Variants in NCOA2 observed in about 807,000 individuals in gnomAD.
NCOA2 encodes the protein nuclear receptor coactivator 2.
NCOA2 carries 21 observed loss-of-function variants against 145.1 expected under a neutral mutation model. The ratio of observed to expected loss-of-function variants is 0.14; its 90% confidence interval spans 0.10 to 0.21. The LOEUF (loss-of-function observed/expected upper bound fraction) is 0.21. Among genes scored for constraint, NCOA2 ranks in the 10% least tolerant of loss-of-function variants. The pLI is 1.00. For synonymous variants in NCOA2, 619 were observed against 637.5 expected, an observed-to-expected ratio of 0.97 and a Z score of 0.44; for missense variants, 1,472 against 1,837.6, an observed-to-expected ratio of 0.80 and a Z score of 3.64.
At chr8:70,388,315 T>C (rs962442714) in intron 1 of NCOA2, among the ~76,000 whole-genome samples, 3 of 152,190 alleles carry the variant, frequency 2.0e-5, no homozygotes, top group Non-Finnish European at 4.4e-5. Flanking sequence ...TGAGGAAAAA[T>C]AGAAACATAC....
At chr8:70,359,976 T>C (rs1367252728) in intron 1 of NCOA2, among the ~76,000 whole-genome samples, 2 of 152,206 alleles carry the variant, frequency 1.3e-5, no homozygotes, top group Non-Finnish European at 2.9e-5. Context: ...TTTCTCTTCC[T>C]AGGCTCTAAG....
At chr8:70,430,510 C>A in the NCOA2 span, among the ~76,000 whole-genome samples, 1 of 152,310 alleles carries the variant, frequency 6.6e-6, no homozygotes, top group African/African-American at 2.4e-5. Flanking sequence ...AGATAGCCAA[C>A]ATAGTCATCT....
intron 1 of NCOA2, among the ~76,000 whole-genome samples, chr8:70,352,888 T>C (rs935004705): frequency 1.3e-5 from 2 of 152,186 alleles, no homozygotes; most frequent in African/African-American, 2.4e-5. Flanking sequence ...TTGTTTCTGA[T>C]TCAATCTGGC....
intron 1 of NCOA2, among the ~76,000 whole-genome samples, chr8:70,389,959 T>A (rs1028349046): frequency 7.2e-5 from 11 of 151,988 alleles, no homozygotes; most frequent in Admixed American, 2.6e-4. Context: ...AGCCACCATA[T>A]CCGGCCATTT....
chr8:70,330,216 AATGATG>A (rs57235614), intron 1 of NCOA2, among the ~76,000 whole-genome samples: 3 of 150,800 alleles, frequency 2.0e-5, no homozygotes, highest in South Asian at 2.1e-4. Flanking sequence ...TGATGATGAT[AATGATG>A]ATGATGATGA....
intron 2 of NCOA2, among the ~76,000 whole-genome samples, chr8:70,296,020 T>C (rs2135739284): frequency 6.6e-6 from 1 of 152,332 alleles, no homozygotes; most frequent in East Asian, 1.9e-4. Context: ...TGAATATAAA[T>C]ATATTCTTAA....
chr8:70,187,168 C>T (rs567771224), intron 4 of NCOA2, among the ~76,000 whole-genome samples: 54 of 152,314 alleles, frequency 3.5e-4, no homozygotes, highest in African/African-American at 1.3e-3. Flanking sequence ...ATGGCTGGCA[C>T]TTCCATGCTG....
At chr8:70,191,460 T>A (rs771806111) in intron 4 of NCOA2, among the ~76,000 whole-genome samples, 39 of 152,314 alleles carry the variant, frequency 2.6e-4, no homozygotes, top group Middle Eastern at 3.4e-3. Flanking sequence ...CCACATTTCC[T>A]AGTCCCCCCA....
chr8:70,170,261 C>T lies in NCOA2; in HGVS notation c.482G>A (p.Ser161Asn), dbSNP rs768279094. ...QEELMNKSVY[S>N]ILHVGDHTEF... is the part of the protein sequence containing the mutation. ...CGTGTGGTCCCCAACATGCAAGATG[C>T]TATATACACTTTTGTTCATCAGCTC... Residue 161 changes from serine (S) to asparagine (N), a missense_variant, in exon 6 of 23, where the codon AGC (serine) becomes AAC (asparagine). This residue lies in a region of NCOA2 where 284 missense variants were observed against 467.8 expected (regional missense o/e 0.61). Coordinates refer to ENST00000452400, the MANE Select transcript of NCOA2 (RefSeq NM_006540.4). The T allele has an allele frequency of 3.7e-6, 6 of 1,613,066 alleles. No individual in the cohort carries two copies. The highest frequency in any genetic ancestry group is 1.3e-5 in the African/African-American group (1 of 74,896).
At chr8:70,332,995 A>T (rs140178789) in intron 1 of NCOA2, among the ~76,000 whole-genome samples, 1 of 152,238 alleles carries the variant, frequency 6.6e-6, no homozygotes, top group South Asian at 2.1e-4. Flanking sequence ...TTTTACAAAG[A>T]AACTGTAAAA....
chr8:70,434,945 C>A, the NCOA2 span, among the ~76,000 whole-genome samples: 2 of 152,092 alleles, frequency 1.3e-5, no homozygotes, highest in Non-Finnish European at 2.9e-5. Context: ...CCTTCATTTT[C>A]ATTGCACTCC....
At chr8:70,316,049 G>C (rs1419063973) in intron 1 of NCOA2, among the ~76,000 whole-genome samples, 3 of 152,194 alleles carry the variant, frequency 2.0e-5, no homozygotes, top group African/African-American at 4.8e-5. Context: ...TGATGAAACA[G>C]CTGAAGTACT....
intron 1 of NCOA2, among the ~76,000 whole-genome samples, chr8:70,399,990 TGAAGCTTG>T (rs1814080091): frequency 6.6e-6 from 1 of 152,224 alleles, no homozygotes; most frequent in African/African-American, 2.4e-5. Flanking sequence ...TTGATGTTAC[TGAAGCTTG>T]GAAAGCTTTA....
the NCOA2 span, among the ~76,000 whole-genome samples, chr8:70,427,764 C>T: frequency 3.3e-5 from 5 of 152,280 alleles, no homozygotes; most frequent in South Asian, 1.0e-3. Context: ...AGGAGAGGAG[C>T]TCTGTGGTCC....
chr8:70,184,299 A>G (rs1815805115), intron 4 of NCOA2, among the ~76,000 whole-genome samples: 1 of 152,194 alleles, frequency 6.6e-6, no homozygotes, highest in South Asian at 2.1e-4. Flanking sequence ...CTACTTTACA[A>G]AAAAAGTGAT....
At chr8:70,331,528 C>T (rs1439423149) in intron 1 of NCOA2, among the ~76,000 whole-genome samples, 7 of 151,962 alleles carry the variant, frequency 4.6e-5, no homozygotes, top group Non-Finnish European at 7.4e-5. Flanking sequence ...ATATTCCTTA[C>T]GTTAAAATGT....
intron 2 of NCOA2, among the ~76,000 whole-genome samples, chr8:70,276,088 G>C (rs141675729): frequency 1.7e-3 from 261 of 152,104 alleles, no homozygotes; most frequent in Non-Finnish European, 3.3e-3. Context: ...TAATTTTAAT[G>C]GAAGAATTTC....
intron 1 of NCOA2, among the ~76,000 whole-genome samples, chr8:70,298,640 CA>C (rs1827260828): frequency 6.6e-6 from 1 of 152,172 alleles, no homozygotes; most frequent in African/African-American, 2.4e-5. Context: ...ATGCAACAAT[CA>C]GGAGCTGAAA....
the NCOA2 span, among the ~76,000 whole-genome samples, chr8:70,420,250 T>A: frequency 6.6e-6 from 1 of 152,180 alleles, no homozygotes; most frequent in Non-Finnish European, 1.5e-5. Context: ...AAAGGCCAAG[T>A]CTTTTACTTT....
Sources: gnomAD v4.1 joint callset for allele counts (sites outside exome capture counted in the v4.1 genomes callset) on GRCh38, gnomAD v4.1.1 for gene constraint, gnomAD v4.1.1 regional missense constraint, MANE v1.5 for transcripts, NCBI Gene and HGNC (gene_info 2026-07-23, HGNC 2026-07-21) for gene names.